The following PLA2G4E variants were observed in gnomAD, a reference collection of about 807,000 sequenced individuals.
PLA2G4E encodes phospholipase A2 group IVE.
In PLA2G4E, 84 loss-of-function variants were observed where a neutral mutation model predicts 109.1. That is an observed-to-expected ratio of 0.77 (90% confidence interval 0.65 to 0.92). PLA2G4E has a LOEUF of 0.92. PLA2G4E is among the 40% of genes least tolerant of loss of function. The pLI, the probability that PLA2G4E is intolerant of heterozygous loss-of-function variation, is 0.00. For missense variants in PLA2G4E, 1,057 were observed against 1,076.6 expected, an observed-to-expected ratio of 0.98 and a Z score of 0.25; for synonymous variants, 469 against 436.1, an observed-to-expected ratio of 1.08 and a Z score of -0.94.
At chr15:41,993,671 C>T (rs2068288445) in intron 12 of PLA2G4E, among the ~76,000 whole-genome samples, 1 of 152,126 alleles carries the variant, frequency 6.6e-6, no homozygotes, top group South Asian at 2.1e-4. Context: ...CAGGAAAGGG[C>T]CCTTTTCATT....
intron 2 of PLA2G4E, among the ~76,000 whole-genome samples, chr15:42,009,546 C>A (rs926962348): frequency 6.6e-6 from 1 of 152,216 alleles, no homozygotes; most frequent in Admixed American, 6.5e-5. Context: ...GAAGGAGTCC[C>A]AGCCACTCAA....
At chr15:42,018,475 C>A (rs1049188822) in intron 1 of PLA2G4E, among the ~76,000 whole-genome samples, 1 of 152,128 alleles carries the variant, frequency 6.6e-6, no homozygotes, top group African/African-American at 2.4e-5. Flanking sequence ...GGGCTGCAGC[C>A]CTGGAGTAGG....
At chr15:42,041,228 T>C (rs1889309633) in intron 1 of PLA2G4E, among the ~76,000 whole-genome samples, 1 of 152,374 alleles carries the variant, frequency 6.6e-6, no homozygotes. Flanking sequence ...TTTGATTTGG[T>C]ATTATTCCCA....
At chr15:42,022,923 C>T (rs1478470929) in intron 1 of PLA2G4E, among the ~76,000 whole-genome samples, 1 of 152,020 alleles carries the variant, frequency 6.6e-6, no homozygotes, top group Non-Finnish European at 1.5e-5. Flanking sequence ...TCTGAAAAGG[C>T]CTTACAGAGG....
At chr15:42,011,542 T>G (rs2141054706) in intron 2 of PLA2G4E, among the ~76,000 whole-genome samples, 1 of 151,538 alleles carries the variant, frequency 6.6e-6, no homozygotes, top group African/African-American at 2.4e-5. Context: ...GGCAACATGG[T>G]GAAACCCTGT....
At chr15:42,013,202 G>T (rs1312425781) in intron 2 of PLA2G4E, among the ~76,000 whole-genome samples, 1 of 152,222 alleles carries the variant, frequency 6.6e-6, no homozygotes, top group African/African-American at 2.4e-5. Context: ...CCAGAGCCCA[G>T]TTTCAGATCT....
intron 1 of PLA2G4E, among the ~76,000 whole-genome samples, chr15:42,044,723 G>A (rs1396074017): frequency 8.6e-5 from 13 of 151,672 alleles, no homozygotes; most frequent in Non-Finnish European, 1.8e-4. Flanking sequence ...AACGTGGCAC[G>A]TGTATACATA....
At chr15:41,994,153 CTG>C (rs1317412052) in intron 12 of PLA2G4E, among the ~76,000 whole-genome samples, 21 of 152,240 alleles carry the variant, frequency 1.4e-4, no homozygotes, top group African/African-American at 5.1e-4. Context: ...GCAAATTACT[CTG>C]TTTCTCCAGC....
At chr15:41,988,386 G>C (rs1423152209) in intron 15 of PLA2G4E, among the ~76,000 whole-genome samples, 2 of 152,120 alleles carry the variant, frequency 1.3e-5, no homozygotes, top group Non-Finnish European at 2.9e-5. Flanking sequence ...GCCGGGAGAC[G>C]TAAAGGTGTA....
chr15:41,999,162 A>C (rs775175813), intron 10 of PLA2G4E: 52 of 168,652 alleles, frequency 3.1e-4, no homozygotes, highest in Admixed American at 5.0e-4. Context: ...AGATAAAAAA[A>C]CAAATTTCCT....
In PLA2G4E at chr15:41,999,539, A is replaced by G. The variant is rs368695396; in HGVS notation, c.959T>C (p.Met320Thr). ...GGTACTATACCAGGGTGTAGACTTC[A>G]TGTGTAATTCATAACTCTCACCCTG... Residue 320 changes from methionine to threonine, a missense_variant, in exon 10 of 20, where the codon ATG becomes ACG. Coordinates refer to ENST00000399518, the Ensembl canonical transcript of PLA2G4E. 3 of 1,610,368 alleles carry G rather than the reference A, an allele frequency of 1.9e-6. No homozygotes were observed. In the African/African-American group the frequency reaches 4.0e-5, roughly 22 times the overall value.
At chr15:42,008,575 G>A (rs901475016) in intron 2 of PLA2G4E, among the ~76,000 whole-genome samples, 5 of 152,124 alleles carry the variant, frequency 3.3e-5, no homozygotes, top group African/African-American at 1.2e-4. Context: ...ATATGCTCTG[G>A]AGAAGGGACA....
At chr15:41,992,036 C>A (rs1421890490) in intron 13 of PLA2G4E, among the ~76,000 whole-genome samples, 2 of 152,206 alleles carry the variant, frequency 1.3e-5, no homozygotes, top group South Asian at 2.1e-4. Context: ...AGCCACCCAA[C>A]ACAGGCTGGT....
In PLA2G4E at chr15:42,034,495, G is replaced by A. The variant is rs74008955; in HGVS notation, c.183+16026C>T. On this transcript the variant is annotated intron_variant, in intron 1 of 19. Transcript: ENST00000399518. The stretch of plus-strand genomic sequence containing the variant: ...CCCCTTCCTCTGATAAGAAAGCACC[G>A]TTTTCCTTTAGGATCTTATGGAGCT... 8.5e-3 allele frequency among the ~76,000 whole-genome samples: 1,290 copies of A among 152,198 alleles called. 21 individuals carry two copies. Among genetic ancestry groups the A allele is most frequent in the African/African-American group, 0.03 (1,226 of 41,514 alleles).
intron 1 of PLA2G4E, among the ~76,000 whole-genome samples, chr15:42,050,314 C>G (rs1369790053): frequency 1.3e-5 from 2 of 152,220 alleles, no homozygotes; most frequent in Non-Finnish European, 2.9e-5. Context: ...AAGGTCACCA[C>G]TGTTGTTAAC....
intron 1 of PLA2G4E, among the ~76,000 whole-genome samples, chr15:42,047,927 G>A (rs1249553480): frequency 6.6e-6 from 1 of 152,126 alleles, no homozygotes; most frequent in African/African-American, 2.4e-5. Context: ...ATGATACGAA[G>A]TTTAGGTAGC....
chr15:42,004,030 G>A (rs947181389), intron 5 of PLA2G4E, among the ~76,000 whole-genome samples: 3 of 152,104 alleles, frequency 2.0e-5, no homozygotes, highest in Non-Finnish European at 4.4e-5. Context: ...AATGATTTGG[G>A]CTGGGCGCGG....
At chr15:42,009,207 C>T (rs2141051774) in intron 2 of PLA2G4E, 1 of 152,266 alleles carries the variant, frequency 6.6e-6, no homozygotes, top group Middle Eastern at 3.4e-3. Flanking sequence ...AAATGATGAC[C>T]TCATCAACCT....
intron 1 of PLA2G4E, among the ~76,000 whole-genome samples, chr15:42,030,506 G>A (rs186693859): frequency 7.7e-4 from 118 of 152,368 alleles, no homozygotes; most frequent in Non-Finnish European, 9.1e-4. Context: ...TCTGGGCCCC[G>A]AGGGGATGGA....
Sources: allele counts gnomAD v4.1 joint callset (sites outside exome capture counted in the v4.1 genomes callset), GRCh38; gene constraint gnomAD v4.1.1; transcripts MANE v1.5; gene names NCBI Gene and HGNC (gene_info 2026-07-23, HGNC 2026-07-21).